RHBDD1: variants seen among roughly 807,000 people sequenced by gnomAD.
RHBDD1 encodes rhomboid-related protein 4.
In RHBDD1, 38 loss-of-function variants were observed where a neutral mutation model predicts 36.3. The ratio of observed to expected loss-of-function variants is 1.05; its 90% confidence interval spans 0.81 to 1.37. The LOEUF is 1.37. Among genes scored for constraint, RHBDD1 ranks in the 40% most tolerant of loss-of-function variants. The probability of loss-of-function intolerance (pLI) is 0.00; values close to 1 mark genes in which losing one functional copy is unlikely to be tolerated. For missense variants in RHBDD1, 393 were observed against 377.6 expected (o/e 1.04, Z -0.34); for synonymous variants, 151 against 136.5 (o/e 1.11, Z -0.74).
chr2:226,884,207 T>G (rs1379042260), intron 5 of RHBDD1, among the ~76,000 whole-genome samples: 4 of 152,114 alleles, frequency 2.6e-5, no homozygotes, highest in Non-Finnish European at 5.9e-5. Context: ...CTCTTCTGCT[T>G]GTGCAGTATT....
intron 5 of RHBDD1, among the ~76,000 whole-genome samples, chr2:226,882,022 A>G (rs773853313): frequency 5.3e-5 from 8 of 152,272 alleles, no homozygotes; most frequent in South Asian, 2.1e-4. Flanking sequence ...GTTAGGTTCT[A>G]TAAGTAATAG....
At position 226,867,224 on chromosome 2, in the gene RHBDD1, T is replaced by C; in HGVS notation, c.472T>C (p.Cys158Arg). 1 of 1,613,104 alleles carries C rather than the reference T, an allele frequency of 6.2e-7. No individual in the cohort carries two copies. Among genetic ancestry groups the C allele is most frequent in the Non-Finnish European group, 8.5e-7 (1 of 1,179,596 alleles). Residue 158 changes from cysteine (C) to arginine (R), a missense_variant, in exon 5 of 9, where the codon TGC becomes CGC. Physicochemically the swap from Cys to Arg is radical, Grantham distance 180. Transcript: ENST00000392062. Reference sequence around the variant, plus strand: ...TTTGAAAGTTCTTAACAACCATTATTGCCCTGGAGGCTTTGTCAACATTTT... The same window carrying C: ...TTTGAAAGTTCTTAACAACCATTATCGCCCTGGAGGCTTTGTCAACATTTT... Reference protein sequence around the residue: ...FALKVLNNHYCPGGFVNILGF... With the variant: ...FALKVLNNHYRPGGFVNILGF...
intron 8 of RHBDD1, among the ~76,000 whole-genome samples, chr2:226,976,542 C>A (rs1203494456): frequency 2.0e-5 from 3 of 152,140 alleles, no homozygotes; most frequent in African/African-American, 7.2e-5. Flanking sequence ...AGGAGACTCA[C>A]CACCGTATAC....
intron 3 of RHBDD1, among the ~76,000 whole-genome samples, chr2:226,861,240 C>A (rs1943824949): frequency 6.6e-6 from 1 of 151,998 alleles, no homozygotes; most frequent in Non-Finnish European, 1.5e-5. Flanking sequence ...TGAGTGTGTG[C>A]AGGAGAGAGT....
intron 8 of RHBDD1, among the ~76,000 whole-genome samples, chr2:226,983,643 T>C (rs1026137328): frequency 2.6e-5 from 4 of 152,186 alleles, no homozygotes; most frequent in African/African-American, 9.6e-5. Context: ...ATTCCTTGAA[T>C]GCTTGGGATG....
chr2:226,994,971 C>T (rs1369432430), intron 8 of RHBDD1, among the ~76,000 whole-genome samples: 1 of 152,004 alleles, frequency 6.6e-6, no homozygotes, highest in Non-Finnish European at 1.5e-5. Context: ...TTCTTATTGG[C>T]CACATTGGGG....
At chr2:226,926,315 C>T (rs976364812) in intron 8 of RHBDD1, among the ~76,000 whole-genome samples, 1 of 151,822 alleles carries the variant, frequency 6.6e-6, no homozygotes, top group African/African-American at 2.4e-5. Flanking sequence ...CTAGTAACAC[C>T]TACCATTTAG....
chr2:226,936,541 G>T (rs965996398), intron 8 of RHBDD1, among the ~76,000 whole-genome samples: 12 of 151,900 alleles, frequency 7.9e-5, no homozygotes, highest in Non-Finnish European at 1.5e-4. Flanking sequence ...TTATTGAAAG[G>T]CATTATTTGG....
chr2:226,862,143 A>G (rs1053488582), intron 3 of RHBDD1, among the ~76,000 whole-genome samples: 1 of 152,188 alleles, frequency 6.6e-6, no homozygotes, highest in East Asian at 1.9e-4. Context: ...GGATGTTACC[A>G]TTTGCAAAGG....
intron 8 of RHBDD1, among the ~76,000 whole-genome samples, chr2:226,922,528 T>C (rs1400302930): frequency 6.6e-6 from 1 of 152,168 alleles, no homozygotes; most frequent in Non-Finnish European, 1.5e-5. Context: ...TTTCATTCTC[T>C]ATAGGTGAAA....
At chr2:226,858,572 A>C (rs1330902377) in intron 3 of RHBDD1, among the ~76,000 whole-genome samples, 3 of 152,190 alleles carry the variant, frequency 2.0e-5, no homozygotes, top group Non-Finnish European at 4.4e-5. Context: ...AAATTGAGAT[A>C]TATACTGCCT....
chr2:226,976,632 C>A (rs183991400), intron 8 of RHBDD1, among the ~76,000 whole-genome samples: 5 of 152,188 alleles, frequency 3.3e-5, no homozygotes, highest in Admixed American at 1.3e-4. Context: ...AGAGAAGAGA[C>A]CCCAGTCCAA....
rs537080617 is a variant in RHBDD1, at chr2:226,860,315, A to G, written c.-90-4289A>G. Among the ~76,000 whole-genome samples the G allele has an allele frequency of 6.6e-5, 10 of 152,218 alleles. No homozygotes were observed. The South Asian group carries it at 1.9e-3, about 28-fold the overall frequency. ...GTAACTGGCTTGTGGTCTGGATACA[A>G]GTTAGAATAATACATAAACCATTTC... is the stretch of plus-strand genomic sequence containing the variant. On this transcript the variant is annotated intron_variant, in intron 3 of 8. Transcript: ENST00000392062.
intron 8 of RHBDD1, among the ~76,000 whole-genome samples, chr2:226,951,548 A>G (rs1207405884): frequency 6.6e-6 from 1 of 152,176 alleles, no homozygotes; most frequent in Non-Finnish European, 1.5e-5. Context: ...TAAGCTTCCT[A>G]TGGGAACTTC....
intron 5 of RHBDD1, among the ~76,000 whole-genome samples, chr2:226,879,091 CA>C (rs1281982996): frequency 8.4e-6 from 1 of 118,468 alleles, no homozygotes; most frequent in African/African-American, 3.4e-5. Flanking sequence ...AAAAAAAAAA[CA>C]GACATAGAAA....
the RHBDD1 span, among the ~76,000 whole-genome samples, chr2:226,801,241 C>A: frequency 2.0e-5 from 3 of 152,118 alleles, no homozygotes; most frequent in African/African-American, 7.2e-5. Flanking sequence ...CGGCCCAATG[C>A]GGCTGAGGGG....
At chr2:226,868,296 G>A (rs939373433) in intron 5 of RHBDD1, among the ~76,000 whole-genome samples, 5 of 152,168 alleles carry the variant, frequency 3.3e-5, no homozygotes, top group Admixed American at 2.6e-4. Context: ...AAATTCGGAA[G>A]GTTAAGAGAC....
intron 8 of RHBDD1, among the ~76,000 whole-genome samples, chr2:226,979,405 T>C (rs1955210281): frequency 6.6e-6 from 1 of 152,018 alleles, no homozygotes; most frequent in South Asian, 2.1e-4. Flanking sequence ...ATCTCACCAA[T>C]TGAATCCCAG....
intron 8 of RHBDD1, among the ~76,000 whole-genome samples, chr2:226,920,293 G>T (rs2125760738): frequency 6.6e-6 from 1 of 151,826 alleles, no homozygotes; most frequent in South Asian, 2.1e-4. Context: ...ATAGTTTTTT[G>T]GTGGGTTTTT....
Sources: gnomAD v4.1 joint callset for allele counts (sites outside exome capture counted in the v4.1 genomes callset) on GRCh38, gnomAD v4.1.1 for gene constraint, MANE v1.5 for transcripts, NCBI Gene and HGNC (gene_info 2026-07-23, HGNC 2026-07-21) for gene names.